PDZRN4: variants seen among roughly 807,000 people sequenced by gnomAD.
PDZRN4 encodes PDZ domain containing ring finger 4, also known as PDZ domain-containing RING finger protein 4.
A neutral mutation model predicts 99.0 loss-of-function variants in PDZRN4; 70 were observed. The observed-to-expected ratio is 0.71, with a 90% CI of 0.58 to 0.86. The LOEUF is 0.86. PDZRN4 is among the 40% of genes least tolerant of loss of function. PDZRN4 has a pLI of 0.00. For synonymous variants in PDZRN4, 551 were observed against 501.6 expected (o/e 1.10, Z -1.32); for missense variants, 1,474 against 1,331.2 (o/e 1.11, Z -1.67).
intron 3 of PDZRN4, among the ~76,000 whole-genome samples, chr12:41,366,599 T>C (rs957395302): frequency 6.6e-6 from 1 of 152,122 alleles, no homozygotes; most frequent in Non-Finnish European, 1.5e-5. Flanking sequence ...TATACCATAA[T>C]GTTTCCTTTT....
At chr12:41,335,664 G>T (rs927486475) in intron 3 of PDZRN4, among the ~76,000 whole-genome samples, 2 of 152,064 alleles carry the variant, frequency 1.3e-5, no homozygotes, top group African/African-American at 4.8e-5. Context: ...AGAATGAAGA[G>T]GCTAATATTA....
At chr12:41,553,984 A>C (rs1209579291) in intron 6 of PDZRN4, among the ~76,000 whole-genome samples, 1 of 152,184 alleles carries the variant, frequency 6.6e-6, no homozygotes, top group African/African-American at 2.4e-5. Flanking sequence ...TAATGTAATT[A>C]ATGCATTTAG....
At chr12:41,507,306 T>C (rs1938225420) in intron 4 of PDZRN4, among the ~76,000 whole-genome samples, 3 of 152,150 alleles carry the variant, frequency 2.0e-5, no homozygotes, top group Non-Finnish European at 1.5e-5. Context: ...TTCCTCCTGA[T>C]TTTTGCCTAA....
chr12:41,244,746 G>A (rs1402298517), intron 3 of PDZRN4, among the ~76,000 whole-genome samples: 1 of 148,242 alleles, frequency 6.7e-6, no homozygotes, highest in Non-Finnish European at 1.5e-5. Context: ...CTGCAGTGGC[G>A]CAATCTCGGC....
At chr12:41,445,185 T>C (rs538262598) in intron 3 of PDZRN4, among the ~76,000 whole-genome samples, 1 of 152,226 alleles carries the variant, frequency 6.6e-6, no homozygotes, top group African/African-American at 2.4e-5. Flanking sequence ...GGCACGTTAC[T>C]AAAATCTTAG....
At position 41,322,487 on chromosome 12, in the gene PDZRN4, C is replaced by CTTTTTTTTTT. The variant is rs71081724; in HGVS notation, c.843+128311_843+128320dup. The stretch of plus-strand genomic sequence containing the variant: ...ACTTTGGAAATTTAGATTTTCTTTC[C>CTTTTTTTTTT]TTTTTTTTTTTTTTTTTTTTTGAGA... On this transcript the variant is annotated intron_variant, in intron 3 of 9. Coordinates refer to ENST00000402685, the MANE Select transcript of PDZRN4 (RefSeq NM_001164595.2). 2.3e-4 allele frequency among the ~76,000 whole-genome samples: 21 copies of CTTTTTTTTTT among 91,218 alleles called. 1 individual carries two copies. The highest frequency in any genetic ancestry group is 4.6e-4 in the Admixed American group (3 of 6,578). 59.8% of individuals were successfully genotyped at this position (91,218 alleles called of 152,430 possible).
intron 3 of PDZRN4, among the ~76,000 whole-genome samples, chr12:41,375,343 C>A (rs12296362): frequency 0.011 from 1,619 of 152,164 alleles, 31 homozygotes; most frequent in African/African-American, 0.037. Flanking sequence ...TGAGCATATA[C>A]AATTTTGTAA....
At chr12:41,199,701 G>T (rs1475863336) in intron 3 of PDZRN4, among the ~76,000 whole-genome samples, 1 of 152,134 alleles carries the variant, frequency 6.6e-6, no homozygotes, top group Non-Finnish European at 1.5e-5. Flanking sequence ...GAATGAAATT[G>T]TGTGTTTTGC....
chr12:41,454,126 A>G (rs1952798806), intron 3 of PDZRN4, among the ~76,000 whole-genome samples: 1 of 151,972 alleles, frequency 6.6e-6, no homozygotes, highest in African/African-American at 2.4e-5. Flanking sequence ...TTGTAAGCTG[A>G]AGCCAAAACC....
intron 3 of PDZRN4, among the ~76,000 whole-genome samples, chr12:41,352,898 T>C (rs1951901883): frequency 6.6e-6 from 1 of 152,102 alleles, no homozygotes; most frequent in African/African-American, 2.4e-5. Context: ...AGTGTGACAA[T>C]ATAAATGACA....
chr12:41,433,898 C>G (rs1048752224), intron 3 of PDZRN4, among the ~76,000 whole-genome samples: 3 of 152,054 alleles, frequency 2.0e-5, no homozygotes, highest in Non-Finnish European at 2.9e-5. Context: ...TAGAAAACAC[C>G]AATAACAAAT....
At chr12:41,533,180 C>T (rs1424144483) in intron 5 of PDZRN4, among the ~76,000 whole-genome samples, 2 of 144,828 alleles carry the variant, frequency 1.4e-5, no homozygotes, top group South Asian at 2.2e-4. Context: ...TTTTTCTTTT[C>T]TTTTTTTTTT....
At chr12:41,535,714 G>A (rs750735558) in intron 5 of PDZRN4, among the ~76,000 whole-genome samples, 31 of 152,186 alleles carry the variant, frequency 2.0e-4, no homozygotes, top group Non-Finnish European at 3.8e-4. Flanking sequence ...ACAGCAGTGG[G>A]TTCATTAAAA....
At chr12:41,427,917 GTC>G (rs1952551065) in intron 3 of PDZRN4, among the ~76,000 whole-genome samples, 1 of 152,050 alleles carries the variant, frequency 6.6e-6, no homozygotes. Context: ...GTGAAACCCT[GTC>G]TCTACTAAAA....
chr12:41,303,103 C>T (rs900340359), intron 3 of PDZRN4, among the ~76,000 whole-genome samples: 1 of 151,952 alleles, frequency 6.6e-6, no homozygotes, highest in African/African-American at 2.4e-5. Flanking sequence ...TGAAGAATTA[C>T]CCACTAGAAG....
intron 3 of PDZRN4, among the ~76,000 whole-genome samples, chr12:41,374,294 A>G (rs904673170): frequency 6.6e-6 from 1 of 152,148 alleles, no homozygotes; most frequent in Admixed American, 6.6e-5. Flanking sequence ...GGAGTTTAGT[A>G]TTATAATGAA....
intron 3 of PDZRN4, among the ~76,000 whole-genome samples, chr12:41,246,018 G>A (rs994566257): frequency 1.3e-5 from 2 of 152,178 alleles, no homozygotes; most frequent in African/African-American, 4.8e-5. Flanking sequence ...AAAGCCATCT[G>A]AGATTTTAAG....
intron 3 of PDZRN4, among the ~76,000 whole-genome samples, chr12:41,350,714 A>G (rs1951883816): frequency 6.6e-6 from 1 of 152,126 alleles, no homozygotes; most frequent in African/African-American, 2.4e-5. Flanking sequence ...TTTCAAAAAT[A>G]CAGTAATAGT....
At chr12:41,447,263 A>G (rs1037178485) in intron 3 of PDZRN4, among the ~76,000 whole-genome samples, 1 of 152,166 alleles carries the variant, frequency 6.6e-6, no homozygotes, top group Non-Finnish European at 1.5e-5. Context: ...TTAATGAGTC[A>G]TGTTTATAAT....
Sources: allele counts gnomAD v4.1 joint callset (sites outside exome capture counted in the v4.1 genomes callset), GRCh38; gene constraint gnomAD v4.1.1; transcripts MANE v1.5; gene names NCBI Gene and HGNC (gene_info 2026-07-23, HGNC 2026-07-21).